Variants in TBC1D4 observed in about 807,000 individuals in gnomAD.
The protein encoded by TBC1D4 is TBC1 domain family member 4, also known as TBC (Tre-2, BUB2, CDC16) domain-containing protein.
TBC1D4 carries 121 observed loss-of-function variants against 142.5 expected under a neutral mutation model. That is an observed-to-expected ratio of 0.85 (90% confidence interval 0.73 to 0.99). The LOEUF is 0.99. TBC1D4 is among the 50% of genes least tolerant of loss of function. TBC1D4 has a pLI of 0.00. For synonymous variants in TBC1D4, 630 were observed against 628.2 expected (o/e 1.00, Z -0.04); for missense variants, 1,475 against 1,606.6 (o/e 0.92, Z 1.40).
intron 1 of TBC1D4, among the ~76,000 whole-genome samples, chr13:75,389,768 C>T (rs962404874): frequency 3.3e-5 from 5 of 152,138 alleles, no homozygotes; most frequent in Admixed American, 2.0e-4. Context: ...TGGTTGGCTA[C>T]TGCACACAGT....
At chr13:75,427,868 T>C (rs1444013292) in intron 1 of TBC1D4, among the ~76,000 whole-genome samples, 1 of 152,218 alleles carries the variant, frequency 6.6e-6, no homozygotes, top group Non-Finnish European at 1.5e-5. Flanking sequence ...AAAGAGAAAA[T>C]GCTAAATTAC....
intron 19 of TBC1D4, among the ~76,000 whole-genome samples, chr13:75,291,834 T>G (rs553499032): frequency 1.3e-5 from 2 of 152,346 alleles, no homozygotes; most frequent in Admixed American, 1.3e-4. Context: ...CAGGCCTTCT[T>G]GACTCTGTCA....
intron 1 of TBC1D4, among the ~76,000 whole-genome samples, chr13:75,391,132 G>C (rs1378732193): frequency 1.5e-5 from 2 of 135,330 alleles, no homozygotes; most frequent in Non-Finnish European, 3.1e-5. Flanking sequence ...TGCTGTAGCA[G>C]TTCTCCCCTC....
In TBC1D4 at chr13:75,286,942, C is replaced by G; in HGVS notation, c.3747G>C (p.Arg1249=). Residue 1249 remains arginine, a synonymous_variant, in exon 21 of 21, where the codon CGG becomes CGC. Transcript: ENST00000377636. Reference sequence around the variant, plus strand: ...AAGCCATTTTTTCTTGTTCCAGGGTCCGGATTAAAGACTTCATTTTGGTCT... The same window carrying G: ...AAGCCATTTTTTCTTGTTCCAGGGTGCGGATTAAAGACTTCATTTTGGTCT... ...TRETKMKSLI[R]TLEQEKMAYQ... is the part of the protein sequence containing the mutation. The G allele has an allele frequency of 6.2e-7, 1 of 1,613,864 alleles. No individual in the cohort carries two copies.
intron 2 of TBC1D4, among the ~76,000 whole-genome samples, chr13:75,361,001 TC>T (rs919704703): frequency 6.6e-6 from 1 of 152,276 alleles, no homozygotes; most frequent in African/African-American, 2.4e-5. Context: ...CTCTTTTCTT[TC>T]CCCCCAAGGA....
Position 75,359,755 on chromosome 13 carries a change from A to G in TBC1D4, c.1170+14T>C, listed in dbSNP as rs1882347203. ...TTGGTCTCTTCACATACTATGATAT[A>G]CTTTGATACATACCTGAGAACAAGA... On this transcript the variant is annotated intron_variant, in intron 3 of 20. Coordinates refer to ENST00000377636, the MANE Select transcript of TBC1D4 (RefSeq NM_014832.5). 1 of 1,583,522 alleles carries G rather than the reference A, an allele frequency of 6.3e-7. No individual in the cohort carries two copies. The highest frequency in any genetic ancestry group is 1.7e-5 in the Admixed American group (1 of 59,952).
At chr13:75,422,328 TCAGA>T (rs2138125029) in intron 1 of TBC1D4, among the ~76,000 whole-genome samples, 1 of 151,862 alleles carries the variant, frequency 6.6e-6, no homozygotes, top group South Asian at 2.1e-4. Flanking sequence ...CAGGATGAAA[TCAGA>T]CAGTCATTTC....
At chr13:75,381,349 G>A (rs905202190) in intron 1 of TBC1D4, among the ~76,000 whole-genome samples, 23 of 152,078 alleles carry the variant, frequency 1.5e-4, no homozygotes, top group African/African-American at 5.1e-4. Context: ...ATTCACTGTC[G>A]AAATAACTAT....
chr13:75,420,745 C>G (rs1037874600), intron 1 of TBC1D4, among the ~76,000 whole-genome samples: 2 of 152,112 alleles, frequency 1.3e-5, no homozygotes, highest in African/African-American at 4.8e-5. Context: ...ATAAGTTACA[C>G]CAAATGTAGT....
chr13:75,319,728 A>ATTTTAAATTCTATTAAT (rs1878598209), intron 12 of TBC1D4, among the ~76,000 whole-genome samples: 1 of 152,334 alleles, frequency 6.6e-6, no homozygotes, highest in South Asian at 2.1e-4. Flanking sequence ...TTAATTTAAA[A>ATTTTAAATTCTATTAAT]TTAAAATTAG....
chr13:75,481,445 G>A lies in TBC1D4; in HGVS notation c.323C>T (p.Ser108Leu), dbSNP rs775630752. Residue 108 changes from serine (S) to leucine (L), a missense_variant, in exon 1 of 21, where the codon TCG becomes TTG. By Grantham distance (145) the Ser-to-Leu change is moderately radical. Transcript: ENST00000377636. ...TACCGCCGGGTTGGGCTGCGTGGCC[G>A]ACGGACTAGTGCCCCCCGAGGCCCC... ...GAGASGGTSP[S>L]ATQPNPAVFI... 15 of 1,613,700 alleles carry A rather than the reference G, an allele frequency of 9.3e-6. No homozygotes were observed. The East Asian group carries it at 3.1e-4, about 34-fold the overall frequency.
chr13:75,452,119 A>G (rs1032457066), intron 1 of TBC1D4, among the ~76,000 whole-genome samples: 2 of 151,894 alleles, frequency 1.3e-5, no homozygotes, highest in African/African-American at 2.4e-5. Flanking sequence ...GGTTGCTTAT[A>G]TTTTTAAAGT....
At position 75,299,869 on chromosome 13, in the gene TBC1D4, C is replaced by T. The variant is rs1405135903; in HGVS notation, c.2912-295G>A. On this transcript the variant is annotated intron_variant, in intron 16 of 20. Coordinates refer to ENST00000377636, the MANE Select transcript of TBC1D4 (RefSeq NM_014832.5). ...AAAAATACAATAAAAATCCACAAAC[C>T]AATGATGTACCCAGGAGAAATACCA... Among the ~76,000 whole-genome samples the T allele has an allele frequency of 8.1e-5, 12 of 147,328 alleles. No individual in the cohort carries two copies. In the East Asian group the frequency reaches 2.4e-3, roughly 29 times the overall value.
intron 1 of TBC1D4, among the ~76,000 whole-genome samples, chr13:75,444,887 T>C (rs1376851154): frequency 3.9e-5 from 6 of 152,260 alleles, no homozygotes; most frequent in African/African-American, 1.4e-4. Context: ...ATGATATTAA[T>C]GGCTTTCATT....
At chr13:75,417,320 C>T (rs1044069041) in intron 1 of TBC1D4, among the ~76,000 whole-genome samples, 1 of 152,072 alleles carries the variant, frequency 6.6e-6, no homozygotes, top group Non-Finnish European at 1.5e-5. Flanking sequence ...TGTGCTGAGC[C>T]GGCATCCTCA....
chr13:75,419,235 G>C (rs990344962), intron 1 of TBC1D4, among the ~76,000 whole-genome samples: 2 of 152,194 alleles, frequency 1.3e-5, no homozygotes, highest in African/African-American at 4.8e-5. Context: ...TGCTGGTCAA[G>C]CTCTGTTGCA....
intron 1 of TBC1D4, among the ~76,000 whole-genome samples, chr13:75,468,091 A>G (rs111931326): frequency 1.0e-3 from 156 of 152,348 alleles, no homozygotes; most frequent in Non-Finnish European, 2.0e-3. Flanking sequence ...AAGGCCTTAA[A>G]AAGCTATTAA....
intron 19 of TBC1D4, among the ~76,000 whole-genome samples, chr13:75,290,095 A>G (rs1477508802): frequency 6.6e-6 from 1 of 152,146 alleles, no homozygotes; most frequent in East Asian, 1.9e-4. Flanking sequence ...ACTGGAAAAA[A>G]TCTAATACTT....
intron 1 of TBC1D4, among the ~76,000 whole-genome samples, chr13:75,372,870 A>G (rs1883295400): frequency 6.6e-6 from 1 of 152,244 alleles, no homozygotes; most frequent in South Asian, 2.1e-4. Context: ...CAAAATCAGG[A>G]CTTGATGACA....
Sources: allele counts gnomAD v4.1 joint callset (sites outside exome capture counted in the v4.1 genomes callset), GRCh38; gene constraint gnomAD v4.1.1; transcripts MANE v1.5; gene names NCBI Gene and HGNC (gene_info 2026-07-23, HGNC 2026-07-21).